Variants in GLRA2 observed in about 807,000 individuals in gnomAD.
GLRA2 encodes the protein glycine receptor subunit alpha-2.
Under a neutral mutation model 31.6 loss-of-function variants are expected in GLRA2, and 11 were observed. That is an observed-to-expected ratio of 0.35 (90% CI 0.22 to 0.58). The LOEUF (loss-of-function observed/expected upper bound fraction) is 0.58, where lower values mean the gene tolerates loss of function less well. Ranked by LOEUF, GLRA2 falls within the 20% of genes least tolerant of loss-of-function variation. The pLI, the probability that GLRA2 is intolerant of heterozygous loss-of-function variation, is 0.84. For synonymous variants in GLRA2, 132 were observed against 134.0 expected, an observed-to-expected ratio of 0.99 and a Z score of 0.10; for missense variants, 212 against 351.8, an observed-to-expected ratio of 0.60 and a Z score of 3.18.
chrX:14,577,998 G>A (rs1463478973), intron 3 of GLRA2, among the ~76,000 whole-genome samples: 1 of 111,675 alleles, frequency 9.0e-6, no homozygotes, highest in Non-Finnish European at 1.9e-5. Context: ...TGAGGTCATT[G>A]AGGACATTGA....
chrX:14,454,697 T>C, the GLRA2 span, among the ~76,000 whole-genome samples: 1 of 111,273 alleles, frequency 9.0e-6, no homozygotes, highest in Non-Finnish European at 1.9e-5. Flanking sequence ...CCCTCCTACC[T>C]ACACATGCTT....
the GLRA2 span, among the ~76,000 whole-genome samples, chrX:14,507,212 T>C: frequency 4.5e-5 from 5 of 112,034 alleles, no homozygotes; most frequent in African/African-American, 1.3e-4. Context: ...TATTTTGAAC[T>C]ATCCAACCTT....
chrX:14,514,356 C>A, the GLRA2 span, among the ~76,000 whole-genome samples: 1 of 108,680 alleles, frequency 9.2e-6, no homozygotes, highest in Non-Finnish European at 1.9e-5. Flanking sequence ...ACTAAAGAAC[C>A]GATGTAACCA....
At chrX:14,577,477 G>A (rs1188160317) in intron 3 of GLRA2, among the ~76,000 whole-genome samples, 1 of 112,696 alleles carries the variant, frequency 8.9e-6, no homozygotes, top group Non-Finnish European at 1.9e-5. Context: ...AGCTCAGGCT[G>A]TGATAACAAA....
intron 8 of GLRA2, among the ~76,000 whole-genome samples, chrX:14,696,280 C>T (rs1439290625): frequency 9.2e-6 from 1 of 108,902 alleles, no homozygotes; most frequent in Admixed American, 9.8e-5. Flanking sequence ...GCAGTAGTTG[C>T]AGTGATGAAC....
intron 2 of GLRA2, among the ~76,000 whole-genome samples, chrX:14,553,329 T>C (rs1334411465): frequency 3.6e-5 from 4 of 111,816 alleles, no homozygotes; most frequent in Non-Finnish European, 7.5e-5. Context: ...TAGAGCCATA[T>C]CTTCCCCCTC....
chrX:14,548,879 T>G (rs1228757074), intron 2 of GLRA2, among the ~76,000 whole-genome samples: 1 of 111,377 alleles, frequency 9.0e-6, no homozygotes, highest in Non-Finnish European at 1.9e-5. Flanking sequence ...AGTCTGTGGT[T>G]GGGCATCTTC....
intron 7 of GLRA2, among the ~76,000 whole-genome samples, chrX:14,674,459 A>G (rs2091123443): frequency 8.9e-6 from 1 of 111,844 alleles, no homozygotes; most frequent in Admixed American, 9.5e-5. Flanking sequence ...TCAGGGGCTC[A>G]TCCCTTACAA....
chrX:14,590,488 A>AT (rs1267426570), intron 4 of GLRA2, among the ~76,000 whole-genome samples: 1 of 112,025 alleles, frequency 8.9e-6, no homozygotes, highest in African/African-American at 3.2e-5. Context: ...TTAGTTATAT[A>AT]TTTTTTTATG....
chrX:14,726,646 A>G (rs1313253180), intron 8 of GLRA2, among the ~76,000 whole-genome samples: 1 of 112,637 alleles, frequency 8.9e-6, no homozygotes, highest in Non-Finnish European at 1.9e-5. Flanking sequence ...ATGACGATGT[A>G]CAATATAATG....
chrX:14,726,640 C>T (rs770448892), intron 8 of GLRA2, among the ~76,000 whole-genome samples: 1 of 112,420 alleles, frequency 8.9e-6, no homozygotes, highest in East Asian at 2.8e-4. Context: ...GTTTGCATGA[C>T]GATGTACAAT....
At chrX:14,642,447 C>G (rs1469269506) in intron 7 of GLRA2, among the ~76,000 whole-genome samples, 2 of 111,984 alleles carry the variant, frequency 1.8e-5, no homozygotes, top group Admixed American at 1.9e-4. Context: ...ATGCAGAGGA[C>G]AGAGAACAGC....
chrX:14,448,925 C>T, the GLRA2 span, among the ~76,000 whole-genome samples: 5 of 110,922 alleles, frequency 4.5e-5, no homozygotes, highest in Admixed American at 9.6e-5. Flanking sequence ...GCAGCTGAGA[C>T]GAGGTGGACG....
intron 3 of GLRA2, among the ~76,000 whole-genome samples, chrX:14,578,983 G>A (rs2089987126): frequency 8.9e-6 from 1 of 112,024 alleles, no homozygotes; most frequent in Non-Finnish European, 1.9e-5. Flanking sequence ...AACTCAAAGT[G>A]TACAAAATGT....
chrX:14,596,257 C>T (rs1454166266), intron 4 of GLRA2, among the ~76,000 whole-genome samples: 1 of 111,378 alleles, frequency 9.0e-6, no homozygotes. Context: ...TACTTTTGGC[C>T]TTTGCACACT....
chrX:14,727,275 C>G (rs1428472265), intron 8 of GLRA2, among the ~76,000 whole-genome samples: 1 of 111,813 alleles, frequency 8.9e-6, no homozygotes, highest in Non-Finnish European at 1.9e-5. Flanking sequence ...GAGCTGAAAC[C>G]CACAGATCCC....
intron 4 of GLRA2, among the ~76,000 whole-genome samples, chrX:14,596,866 C>T (rs572873209): frequency 2.3e-4 from 26 of 111,160 alleles, no homozygotes; most frequent in African/African-American, 6.2e-4. Context: ...AATCTGCATT[C>T]TAACCAAGCC....
Position 14,730,593 on chromosome X carries a change from G to GGGGGGTGGGGGGGGT in GLRA2, c.*109_*110insGGGGTGGGGGGGGTG. The GGGGGGTGGGGGGGGT allele has an allele frequency of 8.4e-6, 1 of 119,660 alleles. No homozygotes were observed. Among genetic ancestry groups the GGGGGGTGGGGGGGGT allele is most frequent in the Non-Finnish European group, 1.7e-5 (1 of 60,312 alleles). The allele number at this position is 119,660 out of a possible 1,213,427, so 9.9% of individuals were successfully genotyped here. On this transcript the variant is annotated 3_prime_UTR_variant, in exon 9 of 9. Coordinates refer to ENST00000218075, the MANE Select transcript of GLRA2 (RefSeq NM_002063.4). Reference sequence around the variant, plus strand: ...ACAGAGGAGAAGATTGAGGGAGGGGGGAGGGAGGGTCATGGGGGTGGGTTT... The same window carrying GGGGGGTGGGGGGGGT: ...ACAGAGGAGAAGATTGAGGGAGGGGGGGGGGTGGGGGGGGTGAGGGAGGGTCATGGGGGTGGGTTT...
chrX:14,685,833 G>C (rs910970440), intron 7 of GLRA2, among the ~76,000 whole-genome samples: 1 of 111,713 alleles, frequency 9.0e-6, no homozygotes, highest in Non-Finnish European at 1.9e-5. Context: ...TCTGATCTCA[G>C]TTATTTCTTG....
Sources: allele counts gnomAD v4.1 joint callset (sites outside exome capture counted in the v4.1 genomes callset), GRCh38; gene constraint gnomAD v4.1.1; transcripts MANE v1.5; gene names NCBI Gene and HGNC (gene_info 2026-07-23, HGNC 2026-07-21).